Variants in PPEF1 observed in about 807,000 individuals in gnomAD.
PPEF1 encodes protein phosphatase with EF-hand domain 1.
Under a neutral mutation model 53.3 loss-of-function variants are expected in PPEF1, and 12 were observed. That is an observed-to-expected ratio of 0.23 (90% CI 0.14 to 0.36). The LOEUF is 0.36. Ranked by LOEUF, PPEF1 falls within the 10% of genes least tolerant of loss-of-function variation. The probability of loss-of-function intolerance (pLI) is 1.00; values close to 1 mark genes in which losing one functional copy is unlikely to be tolerated. For synonymous variants in PPEF1, 165 were observed against 176.7 expected (o/e 0.93, Z 0.52); for missense variants, 334 against 490.4 (o/e 0.68, Z 3.01).
chrX:18,824,426 C>T (rs763691541), intron 14 of PPEF1, among the ~76,000 whole-genome samples: 3 of 108,821 alleles, frequency 2.8e-5, no homozygotes, highest in East Asian at 6.0e-4. Context: ...GGTGACAGAG[C>T]GAGACTCCAT....
intron 12 of PPEF1, among the ~76,000 whole-genome samples, chrX:18,815,589 A>G (rs1273066203): frequency 9.0e-6 from 1 of 111,623 alleles, no homozygotes; most frequent in Admixed American, 9.6e-5. Flanking sequence ...CTTTTCATCT[A>G]TGTTATCTAA....
intron 13 of PPEF1, among the ~76,000 whole-genome samples, chrX:18,822,866 GA>G (rs2047091132): frequency 9.0e-6 from 1 of 111,525 alleles, no homozygotes; most frequent in African/African-American, 3.3e-5. Flanking sequence ...CCAAGGTGGG[GA>G]TTTTTCAGTA....
chrX:18,782,053 G>A (rs749997422), intron 7 of PPEF1, among the ~76,000 whole-genome samples: 12 of 112,023 alleles, frequency 1.1e-4, no homozygotes, highest in Non-Finnish European at 2.1e-4. Context: ...ATGCTTCTCT[G>A]CATACTTGTA....
chrX:18,779,797 A>G (rs565095484), intron 7 of PPEF1, among the ~76,000 whole-genome samples: 1 of 111,866 alleles, frequency 8.9e-6, no homozygotes, highest in South Asian at 3.7e-4. Context: ...CTTTTAAAAA[A>G]TCTCTTGTTT....
intron 3 of PPEF1, among the ~76,000 whole-genome samples, chrX:18,742,992 A>G (rs769243583): frequency 8.9e-6 from 1 of 112,641 alleles, no homozygotes; most frequent in South Asian, 3.6e-4. Flanking sequence ...CCTATGTGCT[A>G]GAACTCTGGG....
At chrX:18,677,288 C>T (rs1025389692) in intron 1 of PPEF1, among the ~76,000 whole-genome samples, 1 of 112,162 alleles carries the variant, frequency 8.9e-6, no homozygotes, top group African/African-American at 3.2e-5. Flanking sequence ...ATCCGCCCAC[C>T]TCGGCCTCCT....
chrX:18,807,615 C>A (rs1404841307), intron 12 of PPEF1, among the ~76,000 whole-genome samples: 2 of 112,085 alleles, frequency 1.8e-5, no homozygotes, highest in African/African-American at 6.5e-5. Flanking sequence ...GAAGTCCCCT[C>A]ATCAAACACA....
intron 12 of PPEF1, among the ~76,000 whole-genome samples, chrX:18,810,301 ATTTCTC>A (rs1342486592): frequency 1.9e-5 from 2 of 107,959 alleles, no homozygotes; most frequent in East Asian, 2.9e-4. Context: ...TGTTTAGAAA[ATTTCTC>A]TTTCTCTGTC....
At chrX:18,782,691 G>A (rs2046111336) in intron 8 of PPEF1, among the ~76,000 whole-genome samples, 1 of 111,650 alleles carries the variant, frequency 9.0e-6, no homozygotes, top group East Asian at 2.8e-4. Flanking sequence ...TTACTTAGGT[G>A]TGGTAAAATA....
chrX:18,815,969 C>T (rs1285035299), intron 12 of PPEF1, among the ~76,000 whole-genome samples: 14 of 107,516 alleles, frequency 1.3e-4, no homozygotes, highest in Admixed American at 1.0e-3. Context: ...GGCGTGATCT[C>T]GGTTCACTGC....
chrX:18,724,389 C>T lies in PPEF1; in HGVS notation c.47-5792C>T, dbSNP rs181135853. ...CACTCTGAATTCATTATTTGTCTTG[C>T]TCACTAACCCCGTACATGACTATTT... On this transcript the variant is annotated intron_variant, in intron 1 of 15. Coordinates refer to ENST00000470157, the MANE Select transcript of PPEF1 (RefSeq NM_001377996.1). 8.5e-3 allele frequency among the ~76,000 whole-genome samples: 946 copies of T among 111,836 alleles called. 9 individuals carry two copies. The highest frequency in any genetic ancestry group is 0.029 in the African/African-American group (897 of 30,802).
intron 8 of PPEF1, among the ~76,000 whole-genome samples, chrX:18,783,293 G>T (rs2046128373): frequency 9.1e-6 from 1 of 109,764 alleles, no homozygotes; most frequent in African/African-American, 3.3e-5. Context: ...AGGTAGCTGG[G>T]GTGTGGGCTC....
intron 1 of PPEF1, among the ~76,000 whole-genome samples, chrX:18,727,670 G>A (rs2044739212): frequency 9.1e-6 from 1 of 110,438 alleles, no homozygotes; most frequent in Non-Finnish European, 1.9e-5. Flanking sequence ...CCCCAAGACT[G>A]CCTACCCACC....
intron 9 of PPEF1, among the ~76,000 whole-genome samples, chrX:18,785,533 C>T: frequency 9.1e-6 from 1 of 110,321 alleles, no homozygotes; most frequent in Non-Finnish European, 1.9e-5. Context: ...TCCTGGCTTA[C>T]ACCTGTTGTC....
intron 5 of PPEF1, chrX:18,700,207 T>C (rs1391481020): frequency 9.2e-6 from 1 of 108,398 alleles, no homozygotes; most frequent in Non-Finnish European, 1.9e-5. Flanking sequence ...TGTTTGTTTA[T>C]TTATTTAAGC....
intron 10 of PPEF1, among the ~76,000 whole-genome samples, chrX:18,800,767 G>A (rs773343410): frequency 2.7e-5 from 3 of 111,604 alleles, no homozygotes; most frequent in South Asian, 7.5e-4. Flanking sequence ...CATTTTATAC[G>A]AGGGACTTGA....
chrX:18,741,772 C>CTTTTTTTTT (rs58971135), intron 3 of PPEF1, among the ~76,000 whole-genome samples: 7 of 66,324 alleles, frequency 1.1e-4, no homozygotes, highest in African/African-American at 4.1e-4. Flanking sequence ...GCTGCTGCTT[C>CTTTTTTTTT]TTTTTTTTTT....
chrX:18,697,845 G>A (rs1161991156), exon 5 of PPEF1: 2 of 110,856 alleles, frequency 1.8e-5, no homozygotes, highest in Admixed American at 9.7e-5. Context: ...CTTTTTTCAG[G>A]CTGGGAGAAC....
chrX:18,725,259 A>G (rs1269243128), intron 1 of PPEF1, among the ~76,000 whole-genome samples: 1 of 111,486 alleles, frequency 9.0e-6, no homozygotes, highest in African/African-American at 3.3e-5. Flanking sequence ...TAGCAACTGC[A>G]GGGAAGTTAC....
Sources: gnomAD v4.1 joint callset for allele counts (sites outside exome capture counted in the v4.1 genomes callset) on GRCh38, gnomAD v4.1.1 for gene constraint, MANE v1.5 for transcripts, NCBI Gene and HGNC (gene_info 2026-07-23, HGNC 2026-07-21) for gene names.